The following ELOVL2 variants were observed in gnomAD, a reference collection of about 807,000 sequenced individuals.
ELOVL2 encodes ELOVL fatty acid elongase 2, also known as very long chain fatty acid elongase 2.
Under a neutral mutation model 37.7 loss-of-function variants are expected in ELOVL2, and 38 were observed. The observed-to-expected ratio is 1.01, with a 90% CI of 0.78 to 1.32. ELOVL2 has a LOEUF of 1.32. Ranked by LOEUF, ELOVL2 falls within the 40% of genes most tolerant of loss-of-function variation. ELOVL2 has a pLI of 0.00. For missense variants in ELOVL2, 352 were observed against 363.6 expected (o/e 0.97, Z 0.26); for synonymous variants, 115 against 122.3 (o/e 0.94, Z 0.40).
chr6:10,981,189 G>T lies in ELOVL2; in HGVS notation c.*2592C>A, dbSNP rs954464194. 2.6e-5 allele frequency: 4 copies of T among 152,104 alleles called. No homozygotes were observed. The highest frequency in any genetic ancestry group is 2.6e-4 in the Admixed American group (4 of 15,264). 9.4% of individuals were successfully genotyped at this position (152,104 alleles called of 1,614,324 possible). A position where few individuals can be genotyped will look rare whatever the true frequency, so the allele number is the denominator to read the frequency against. ...TTCCATTTTGTTAGTTTAAAAAATT[G>T]GGGGAATTATTAATAGATATGCTTT... On this transcript the variant is annotated 3_prime_UTR_variant, in exon 8 of 8. Coordinates refer to ENST00000354666, the MANE Select transcript of ELOVL2 (RefSeq NM_017770.4).
chr6:11,000,313 C>A, intron 3 of ELOVL2, 149 bp from the exon 4 acceptor site: 1 of 683,512 alleles, frequency 1.5e-6, no homozygotes, highest in Non-Finnish European at 2.5e-6. Context: ...TATCCTCAAA[C>A]ACCTATTATC....
At chr6:10,994,969 C>T (rs746459126) in intron 5 of ELOVL2, 38 bp downstream of exon 5, 3 of 1,503,394 alleles carry the variant, frequency 2.0e-6, no homozygotes, top group Non-Finnish European at 1.8e-6. Flanking sequence ...TCTCTAAGAG[C>T]CATTCCTCAA....
intron 1 of ELOVL2, among the ~76,000 whole-genome samples, chr6:11,026,876 T>A (rs747661665): frequency 5.9e-5 from 9 of 152,006 alleles, no homozygotes; most frequent in Non-Finnish European, 1.2e-4. Flanking sequence ...TTTAAAATAT[T>A]TAATTGACAA....
intron 7 of ELOVL2, among the ~76,000 whole-genome samples, chr6:10,985,762 A>T (rs1782041114): frequency 6.6e-6 from 1 of 152,048 alleles, no homozygotes; most frequent in South Asian, 2.1e-4. Context: ...CTTGTAGTAT[A>T]GTTTGAAGTC....
intron 2 of ELOVL2, 141 bp downstream of exon 2, chr6:11,010,605 T>A (rs1463735533): frequency 1.4e-6 from 1 of 713,144 alleles, no homozygotes; most frequent in East Asian, 2.7e-5. Flanking sequence ...TGGAAGGATA[T>A]CAAAGTTGAG....
intron 1 of ELOVL2, among the ~76,000 whole-genome samples, chr6:11,031,590 C>T (rs1211411019): frequency 6.6e-6 from 1 of 152,170 alleles, no homozygotes; most frequent in Non-Finnish European, 1.5e-5. Context: ...TTACACATTC[C>T]TAGTGCTAAT....
At chr6:11,023,955 G>A (rs1782805336) in intron 1 of ELOVL2, among the ~76,000 whole-genome samples, 1 of 152,156 alleles carries the variant, frequency 6.6e-6, no homozygotes, top group Non-Finnish European at 1.5e-5. Context: ...TTAGATAATT[G>A]AATTTCATGT....
intron 5 of ELOVL2, among the ~76,000 whole-genome samples, chr6:10,991,783 A>G (rs918168281): frequency 6.6e-6 from 1 of 152,218 alleles, no homozygotes; most frequent in African/African-American, 2.4e-5. Flanking sequence ...CTTTACCTAC[A>G]TGACTTTTCA....
At chr6:11,009,413 T>C (rs1008752991) in intron 2 of ELOVL2, among the ~76,000 whole-genome samples, 2 of 152,212 alleles carry the variant, frequency 1.3e-5, no homozygotes, top group African/African-American at 4.8e-5. Flanking sequence ...TATCTTACTG[T>C]ATTGTGCTCC....
At chr6:11,029,858 A>C (rs1231244016) in intron 1 of ELOVL2, among the ~76,000 whole-genome samples, 1 of 152,180 alleles carries the variant, frequency 6.6e-6, no homozygotes, top group Non-Finnish European at 1.5e-5. Flanking sequence ...TACAAGTAGG[A>C]AACAAATATT....
chr6:11,029,187 C>T (rs1782882287), intron 1 of ELOVL2, among the ~76,000 whole-genome samples: 1 of 140,798 alleles, frequency 7.1e-6, no homozygotes. Flanking sequence ...AAGATCGCGC[C>T]ACTGCACTTC....
At chr6:11,026,953 C>CTAAT (rs2113549928) in intron 1 of ELOVL2, among the ~76,000 whole-genome samples, 1 of 152,240 alleles carries the variant, frequency 6.6e-6, no homozygotes, top group Admixed American at 6.5e-5. Flanking sequence ...TGAAATCAAG[C>CTAAT]TAATTAACAC....
chr6:11,003,357 A>G lies in ELOVL2; in HGVS notation c.255+2015T>C, dbSNP rs185814069. Among the ~76,000 whole-genome samples the G allele has an allele frequency of 2.9e-3, 447 of 151,902 alleles. 5 individuals carry two copies. Among genetic ancestry groups the G allele is most frequent in the African/African-American group, 9.8e-3 (405 of 41,410 alleles). On this transcript the variant is annotated intron_variant, in intron 3 of 7. Coordinates refer to ENST00000354666, the MANE Select transcript of ELOVL2 (RefSeq NM_017770.4). ...GTGTGATGTTCCCCTCCCTGTGTCCATGTGTTCTCATTGTTCAACTCCCAC... is the reference window on the plus strand; with the variant it reads ...GTGTGATGTTCCCCTCCCTGTGTCCGTGTGTTCTCATTGTTCAACTCCCAC...
chr6:11,029,223 C>CAAAAAAAAAAAAAAAAA lies in ELOVL2; in HGVS notation c.3+14988_3+15004dup, dbSNP rs376639413. On this transcript the variant is annotated intron_variant, in intron 1 of 7. Transcript: ENST00000354666. ...AGCCCGGGGCGACAGAGGGAGATCT[C>CAAAAAAAAAAAAAAAAA]AAAAAAAAAAAAAAAAAAAAAAAAA... is the stretch of plus-strand genomic sequence containing the variant. 3.3e-4 allele frequency among the ~76,000 whole-genome samples: 25 copies of CAAAAAAAAAAAAAAAAA among 75,780 alleles called. 1 individual carries two copies. Among genetic ancestry groups the CAAAAAAAAAAAAAAAAA allele is most frequent in the African/African-American group, 1.2e-3 (24 of 19,286 alleles). 49.7% of individuals were successfully genotyped at this position (75,780 alleles called of 152,430 possible).
chr6:11,043,469 C>CACACACACACACACACACACACA (rs1296294827), intron 1 of ELOVL2: 9 of 74,460 alleles, frequency 1.2e-4, no homozygotes, highest in African/African-American at 1.1e-3. Flanking sequence ...CACGGGTGAA[C>CACACACACACACACACACACACA]ACACACACAC....
At chr6:11,036,789 C>T (rs550658925) in intron 1 of ELOVL2, among the ~76,000 whole-genome samples, 40 of 152,322 alleles carry the variant, frequency 2.6e-4, no homozygotes, top group Admixed American at 2.6e-4. Context: ...CTGCATAGAC[C>T]TTCCAGAGAC....
chr6:10,987,446 G>A (rs1782072055), intron 7 of ELOVL2, among the ~76,000 whole-genome samples: 1 of 152,154 alleles, frequency 6.6e-6, no homozygotes, highest in Admixed American at 6.5e-5. Context: ...ATGTTAGGGT[G>A]TCAATTTTGG....
Position 10,983,759 on chromosome 6 carries a change from G to T in ELOVL2, c.*22C>A, listed in dbSNP as rs201355986. On this transcript the variant is annotated 3_prime_UTR_variant, in exon 8 of 8. Transcript: ENST00000354666. Reference sequence around the variant, plus strand: ...AAGCCAATCTGTTAGGCTAGTATATGTGCTTTTTCTGTTACTCATTTTTAT... The same window carrying T: ...AAGCCAATCTGTTAGGCTAGTATATTTGCTTTTTCTGTTACTCATTTTTAT... 1 of 1,593,712 alleles carries T rather than the reference G, an allele frequency of 6.3e-7. No individual in the cohort carries two copies. The highest frequency in any genetic ancestry group is 1.2e-5 in the South Asian group (1 of 86,802).
Position 10,983,685 on chromosome 6 carries a change from T to G in ELOVL2, c.*96A>C, listed in dbSNP as rs1311851257. On this transcript the variant is annotated 3_prime_UTR_variant, in exon 8 of 8. Transcript: ENST00000354666. ...AATGATTTATGAACTCAAAAGAAAT[T>G]AGTTTATCCTAAAACATGTAACCTT... 1 of 1,311,660 alleles carries G rather than the reference T, an allele frequency of 7.6e-7. No homozygotes were observed. The highest frequency in any genetic ancestry group is 1.5e-5 in the African/African-American group (1 of 67,178). The allele number at this position is 1,311,660 out of a possible 1,614,324, so 81.3% of individuals were successfully genotyped here.
Sources: gnomAD v4.1 joint callset for allele counts (sites outside exome capture counted in the v4.1 genomes callset) on GRCh38, gnomAD v4.1.1 for gene constraint, MANE v1.5 for transcripts, NCBI Gene and HGNC (gene_info 2026-07-23, HGNC 2026-07-21) for gene names.